CROCC2: variants seen among roughly 807,000 people sequenced by gnomAD.
The protein encoded by CROCC2 is ciliary rootlet coiled-coil protein 2.
A neutral mutation model predicts 177.6 loss-of-function variants in CROCC2; 163 were observed. The ratio of observed to expected loss-of-function variants is 0.92; its 90% CI spans 0.81 to 1.05. CROCC2 has a LOEUF of 1.05. Among genes scored for constraint, CROCC2 ranks in the 50% least tolerant of loss-of-function variants. The pLI is 0.00. For synonymous variants in CROCC2, 904 were observed against 787.3 expected, an observed-to-expected ratio of 1.15 and a Z score of -2.48; for missense variants, 1,929 against 1,797.8, an observed-to-expected ratio of 1.07 and a Z score of -1.32.
intron 7 of CROCC2, 89 bp downstream of exon 7, chr2:240,931,217 G>A: frequency 1.6e-6 from 1 of 628,556 alleles, no homozygotes; most frequent in Non-Finnish European, 2.9e-6. Context: ...GATCCCAGAT[G>A]TGGTCACACC....
At position 240,935,625 on chromosome 2, in the gene CROCC2, G is replaced by C. The variant is rs1010817806; in HGVS notation, c.2169+37G>C. 8.8e-6 allele frequency: 12 copies of C among 1,361,380 alleles called. No homozygotes were observed. The Admixed American group carries it at 9.5e-5, about 11-fold the overall frequency. The allele number at this position is 1,361,380 out of a possible 1,614,324, so 84.3% of individuals were successfully genotyped here. On this transcript the variant is annotated intron_variant, in intron 14 of 31. Transcript: ENST00000690015. ...TGCAGGGCATGCTGCCGCCGTCTGG[G>C]ATGCGGCTGGGTGGCAGGTCTTGCC...
At chr2:240,926,808 C>G (rs780102713) in intron 5 of CROCC2, among the ~76,000 whole-genome samples, 1 of 152,386 alleles carries the variant, frequency 6.6e-6, no homozygotes, top group South Asian at 2.1e-4. Context: ...GAGGGAATGC[C>G]GGCCTCTGCA....
In CROCC2 at chr2:240,933,721, T is replaced by C; in HGVS notation, c.1515T>C (p.Asp505=). 6.5e-7 allele frequency: 1 copy of C among 1,550,280 alleles called. No individual in the cohort carries two copies. The highest frequency in any genetic ancestry group is 1.2e-5 in the South Asian group (1 of 84,046). ...MVVEELKGKA[D]AADAEKQGLE... is the part of the protein sequence containing the mutation. ...TGGAGGAGCTGAAAGGGAAGGCAGATGCTGCAGATGCGGAGAAGCAGGGGC... is the reference window on the plus strand; with the variant it reads ...TGGAGGAGCTGAAAGGGAAGGCAGACGCTGCAGATGCGGAGAAGCAGGGGC... Residue 505 remains aspartate, a synonymous_variant, in exon 11 of 32, where the codon GAT becomes GAC. Transcript: ENST00000690015.
At chr2:240,989,066 C>T (rs1402560474) in intron 29 of CROCC2, among the ~76,000 whole-genome samples, 196 bp downstream of exon 29, 1 of 152,172 alleles carries the variant, frequency 6.6e-6, no homozygotes, top group Non-Finnish European at 1.5e-5. Flanking sequence ...GAGCTGGAAC[C>T]AGGACCCAAG....
At chr2:240,914,892 A>T (rs2059310150) in intron 1 of CROCC2, among the ~76,000 whole-genome samples, 1 of 152,062 alleles carries the variant, frequency 6.6e-6, no homozygotes. Flanking sequence ...GGTGTGGGGG[A>T]TTTCCCTCCA....
chr2:240,949,830 G>A lies in CROCC2; in HGVS notation c.2652+128G>A. ...GACATAGGCGCCTGGCCAGGGCTGG[G>A]CAAGGACCAGCTCACTCTTTATAGT... On this transcript the variant is annotated intron_variant, in intron 17 of 31. Coordinates refer to ENST00000690015, the MANE Select transcript of CROCC2 (RefSeq NM_001351305.2). The surrounding 1 kb of genome is among the most constrained non-coding windows in gnomAD (Gnocchi z 4.5). The A allele has an allele frequency of 1.1e-6, 1 of 936,358 alleles. No individual in the cohort carries two copies. Among genetic ancestry groups the A allele is most frequent in the Non-Finnish European group, 1.6e-6 (1 of 631,798 alleles). 58.0% of individuals were successfully genotyped at this position (936,358 alleles called of 1,614,324 possible). A position where few individuals can be genotyped will look rare whatever the true frequency, so the allele number is the denominator to read the frequency against.
chr2:240,988,919 C>T, intron 29 of CROCC2, 49 bp downstream of exon 29: 2 of 1,346,814 alleles, frequency 1.5e-6, no homozygotes, highest in Non-Finnish European at 1.9e-6. Flanking sequence ...GGGGGCAGAC[C>T]TGGGGTGGGA....
chr2:240,983,653 G>A lies in CROCC2; in HGVS notation c.4551+624G>A, dbSNP rs981237665. 4.7e-6 allele frequency: 6 copies of A among 1,269,464 alleles called. No homozygotes were observed. In the African/African-American group the frequency reaches 7.7e-5, roughly 16 times the overall value. The allele number at this position is 1,269,464 out of a possible 1,614,324, so 78.6% of individuals were successfully genotyped here. A position where few individuals can be genotyped will look rare whatever the true frequency, so the allele number is the denominator to read the frequency against. On this transcript the variant is annotated intron_variant, in intron 28 of 31. Transcript: ENST00000690015. ...GGTCCGCAGGGGCGCGGCTGGGAGA[G>A]GCGCTGGCCCACGCATGCTTCTGTG...
At chr2:240,990,132 C>T (rs114287133) in intron 30 of CROCC2, among the ~76,000 whole-genome samples, 15 of 152,376 alleles carry the variant, frequency 9.8e-5, no homozygotes, top group Middle Eastern at 3.4e-3. Flanking sequence ...TGTCAGGGGT[C>T]ACTGGGCGAC....
intron 15 of CROCC2, among the ~76,000 whole-genome samples, chr2:240,947,630 T>C (rs1468681298): frequency 6.6e-6 from 1 of 152,184 alleles, no homozygotes; most frequent in East Asian, 1.9e-4. Flanking sequence ...GCAGGTAACA[T>C]TCAGGACCAT....
chr2:240,955,827 A>C, intron 18 of CROCC2, 32 bp from the exon 19 acceptor site: 1 of 1,491,536 alleles, frequency 6.7e-7, no homozygotes, highest in Admixed American at 2.0e-5. Flanking sequence ...AGACTCCCCA[A>C]CTTTCTCACA....
intron 20 of CROCC2, 61 bp downstream of exon 20, chr2:240,959,505 T>G (rs1574778131): frequency 1.3e-6 from 2 of 1,521,462 alleles, no homozygotes; most frequent in Non-Finnish European, 1.8e-6. Context: ...GCAGGGCAGG[T>G]ACCAAGAGAG....
chr2:240,931,752 G>A (rs766930604), intron 7 of CROCC2, among the ~76,000 whole-genome samples: 3 of 152,196 alleles, frequency 2.0e-5, no homozygotes, highest in Non-Finnish European at 4.4e-5. Context: ...CAGGCTGACA[G>A]GCAGAAGCCC....
intron 14 of CROCC2, among the ~76,000 whole-genome samples, chr2:240,943,390 C>A (rs1462159739): frequency 2.6e-5 from 4 of 152,004 alleles, no homozygotes; most frequent in Non-Finnish European, 5.9e-5. Flanking sequence ...CGTTCCCCGG[C>A]TGCTTTGGTA....
intron 18 of CROCC2, 45 bp downstream of exon 18, chr2:240,950,555 C>T: frequency 1.3e-6 from 2 of 1,515,100 alleles, no homozygotes; most frequent in Non-Finnish European, 1.8e-6. Flanking sequence ...ACACCCACTG[C>T]ACCTGTCACC....
At position 240,972,531 on chromosome 2, in the gene CROCC2, C is replaced by T. The variant is rs2106483934; in HGVS notation, c.4401+4269C>T. ...CCCCTGCAGCTCCCTCCAGCCCTCG[C>T]CCTTCTGAGTCAGGGTATGGGGACA... On this transcript the variant is annotated intron_variant, in intron 27 of 31. Transcript: ENST00000690015. This position sits in a 1 kb window ranked among gnomAD's most constrained non-coding sequence, Gnocchi z 7.1. Among the ~76,000 whole-genome samples the T allele has an allele frequency of 6.6e-6, 1 of 152,120 alleles. No homozygotes were observed. Among genetic ancestry groups the T allele is most frequent in the African/African-American group, 2.4e-5 (1 of 41,468 alleles).
intron 28 of CROCC2, among the ~76,000 whole-genome samples, chr2:240,987,422 A>G (rs1432447771): frequency 2.0e-5 from 3 of 152,214 alleles, no homozygotes; most frequent in Admixed American, 6.5e-5. Context: ...ATGCACTTCC[A>G]GGAGTGTAAC....
In CROCC2 at chr2:240,922,561, C is replaced by T. The variant is rs1415618308; in HGVS notation, c.404C>T (p.Thr135Ile). 2.9e-6 allele frequency: 2 copies of T among 694,918 alleles called. No individual in the cohort carries two copies. Among genetic ancestry groups the T allele is most frequent in the Non-Finnish European group, 5.4e-6 (2 of 371,416 alleles). The allele number at this position is 694,918 out of a possible 1,614,324, so 43.0% of individuals were successfully genotyped here. ...CAGCTGCAGGCCCGGCTGGAGACCA[C>T]CGAGGCTCAGCTGCGGAGGTCAGAG... ...SEQLQARLETTEAQLRRSELE... is the reference protein window; with the variant it reads ...SEQLQARLETIEAQLRRSELE... Residue 135 changes from threonine (T) to isoleucine (I), a missense_variant, in exon 4 of 32, where the codon ACC (threonine) becomes ATC (isoleucine). Coordinates refer to ENST00000690015, the MANE Select transcript of CROCC2 (RefSeq NM_001351305.2).
At chr2:240,975,892 G>C (rs1398078391) in intron 27 of CROCC2, among the ~76,000 whole-genome samples, 1 of 151,896 alleles carries the variant, frequency 6.6e-6, no homozygotes, top group Non-Finnish European at 1.5e-5. Flanking sequence ...ACCACGCCCG[G>C]CTAATTTTTT....
Sources: allele counts gnomAD v4.1 joint callset (sites outside exome capture counted in the v4.1 genomes callset), GRCh38; gene constraint gnomAD v4.1.1; non-coding constraint Gnocchi (gnomAD v3.1); transcripts MANE v1.5; gene names NCBI Gene and HGNC (gene_info 2026-07-23, HGNC 2026-07-21).